Variants in SHROOM4 observed in about 807,000 individuals in gnomAD.
SHROOM4 encodes protein Shroom4.
SHROOM4 carries 17 observed loss-of-function variants against 80.3 expected under a neutral mutation model. The observed-to-expected ratio is 0.21, with a 90% CI of 0.14 to 0.32. The LOEUF (loss-of-function observed/expected upper bound fraction) is 0.32, where lower values mean the gene tolerates loss of function less well. Ranked by LOEUF, SHROOM4 falls within the 10% of genes least tolerant of loss-of-function variation. The pLI is 1.00. For missense variants in SHROOM4, 993 were observed against 1,140.3 expected (o/e 0.87, Z 1.86); for synonymous variants, 400 against 437.5 (o/e 0.91, Z 1.07).
rs781918839 is a variant in SHROOM4 at position 50,669,365 on chromosome X, C to T, written c.269+26421G>A. Among the ~76,000 whole-genome samples the T allele has an allele frequency of 4.2e-3, 466 of 111,651 alleles. 2 individuals carry two copies. The highest frequency in any genetic ancestry group is 0.014 in the African/African-American group (434 of 30,723). On this transcript the variant is annotated intron_variant, in intron 2 of 8. Coordinates refer to ENST00000376020, the MANE Select transcript of SHROOM4 (RefSeq NM_020717.5). ...TGTCACCCAGGCTGGAGTGCAGTGG[C>T]GTGATCACAGCTTACTGCGGTCTCT... is the stretch of plus-strand genomic sequence containing the variant.
intron 1 of SHROOM4, among the ~76,000 whole-genome samples, chrX:50,811,406 G>A (rs1557273431): frequency 9.1e-6 from 1 of 110,414 alleles, no homozygotes; most frequent in East Asian, 2.8e-4. Flanking sequence ...CCTAGACCCA[G>A]GTAGGGCAAG....
chrX:50,684,372 A>G (rs1315113314), intron 2 of SHROOM4, among the ~76,000 whole-genome samples: 1 of 111,236 alleles, frequency 9.0e-6, no homozygotes, highest in Non-Finnish European at 1.9e-5. Flanking sequence ...GAATCAAGGA[A>G]GGACCCTCCC....
chrX:50,633,150 G>C, intron 4 of SHROOM4, 28 bp downstream of exon 4: 1 of 1,178,414 alleles, frequency 8.5e-7, no homozygotes, highest in Non-Finnish European at 1.2e-6. Context: ...AATAATGAAG[G>C]TTACCCACCC....
chrX:50,609,502 A>G (rs1469926925), intron 5 of SHROOM4, among the ~76,000 whole-genome samples: 1 of 111,112 alleles, frequency 9.0e-6, no homozygotes, highest in African/African-American at 3.3e-5. Context: ...TTCAGAAACA[A>G]AGCAGACTAC....
At chrX:50,642,058 G>C (rs190476726) in intron 2 of SHROOM4, among the ~76,000 whole-genome samples, 144 of 112,426 alleles carry the variant, frequency 1.3e-3, no homozygotes, top group African/African-American at 4.5e-3. Context: ...GCCAGAGCTA[G>C]AGCCTTCTAA....
At chrX:50,679,138 A>C (rs1372167489) in intron 2 of SHROOM4, among the ~76,000 whole-genome samples, 2 of 110,973 alleles carry the variant, frequency 1.8e-5, no homozygotes, top group African/African-American at 6.5e-5. Context: ...GTCTCCTCCT[A>C]CATTTCTGAG....
chrX:50,762,349 C>T (rs1013796155), intron 1 of SHROOM4, among the ~76,000 whole-genome samples: 25 of 112,102 alleles, frequency 2.2e-4, no homozygotes, highest in African/African-American at 7.8e-4. Flanking sequence ...TTAAGTATCT[C>T]TCTATATGTT....
chrX:50,758,011 T>A (rs1557268547), intron 1 of SHROOM4, among the ~76,000 whole-genome samples: 2 of 111,506 alleles, frequency 1.8e-5, no homozygotes. Context: ...AAAATACTTT[T>A]TTGTCAAATG....
At chrX:50,641,613 ATT>A (rs781822604) in intron 2 of SHROOM4, among the ~76,000 whole-genome samples, 6 of 98,929 alleles carry the variant, frequency 6.1e-5, no homozygotes, top group Admixed American at 3.3e-4. Context: ...GACTCTTACT[ATT>A]TTTTTTTTTT....
rs781869217 is a variant in SHROOM4, at chrX:50,592,359, T to A, written c.*4336A>T. ...TGGATTGTTAGTGGCTTTTATTTAT[T>A]ATTTTCAAGTTACAATAACTGCAAG... On this transcript the variant is annotated 3_prime_UTR_variant, in exon 9 of 9. Transcript: ENST00000376020. 1 of 258,420 alleles carries A rather than the reference T, an allele frequency of 3.9e-6. No individual in the cohort carries two copies. The highest frequency in any genetic ancestry group is 1.0e-4 in the East Asian group (1 of 9,686). 21.3% of individuals were successfully genotyped at this position (258,420 alleles called of 1,213,427 possible).
intron 1 of SHROOM4, among the ~76,000 whole-genome samples, chrX:50,792,245 T>C (rs1337729618): frequency 1.8e-5 from 2 of 112,157 alleles, no homozygotes; most frequent in Non-Finnish European, 3.8e-5. Flanking sequence ...ACGCCTGTAA[T>C]TCCAGCACTT....
At chrX:50,701,633 CTTTA>C (rs2147469320) in intron 1 of SHROOM4, among the ~76,000 whole-genome samples, 1 of 111,743 alleles carries the variant, frequency 8.9e-6, no homozygotes, top group East Asian at 2.8e-4. Flanking sequence ...AAAAATCAAG[CTTTA>C]TTAATATTTA....
chrX:50,678,167 C>A (rs1602426592), intron 2 of SHROOM4, among the ~76,000 whole-genome samples: 1 of 111,090 alleles, frequency 9.0e-6, no homozygotes, highest in Non-Finnish European at 1.9e-5. Context: ...AAGTTTCCAC[C>A]ATTTCCTCTC....
At chrX:50,638,648 A>G (rs1931462986) in intron 2 of SHROOM4, among the ~76,000 whole-genome samples, 1 of 112,885 alleles carries the variant, frequency 8.9e-6, no homozygotes, top group South Asian at 3.7e-4. Context: ...TCTTTGAGAA[A>G]GAAAATCAAT....
chrX:50,608,749 T>A (rs982684675), intron 5 of SHROOM4, among the ~76,000 whole-genome samples: 4 of 112,235 alleles, frequency 3.6e-5, no homozygotes, highest in Non-Finnish European at 7.5e-5. Context: ...TTCCTACCTA[T>A]CACCCAGACT....
chrX:50,611,909 C>T (rs781829708), intron 5 of SHROOM4, among the ~76,000 whole-genome samples: 1 of 110,957 alleles, frequency 9.0e-6, no homozygotes, highest in Non-Finnish European at 1.9e-5. Context: ...GCCAGGTTGA[C>T]AGGGTGAGAC....
intron 1 of SHROOM4, among the ~76,000 whole-genome samples, chrX:50,797,259 T>C (rs1449232357): frequency 9.0e-6 from 1 of 111,491 alleles, no homozygotes; most frequent in African/African-American, 3.3e-5. Context: ...AGGTCGAGTC[T>C]GAATGGTTTG....
At chrX:50,757,748 G>A (rs1002382747) in intron 1 of SHROOM4, among the ~76,000 whole-genome samples, 9 of 109,303 alleles carry the variant, frequency 8.2e-5, no homozygotes, top group African/African-American at 3.0e-4. Flanking sequence ...GCTTGAACCC[G>A]GGAGGTGGAG....
intron 5 of SHROOM4, 72 bp downstream of exon 5, chrX:50,627,542 C>G: frequency 1.0e-6 from 1 of 989,010 alleles, no homozygotes; most frequent in Non-Finnish European, 1.4e-6. Context: ...CTAAGCAAAC[C>G]AAAGACCTTA....
Sources: allele counts gnomAD v4.1 joint callset (sites outside exome capture counted in the v4.1 genomes callset), GRCh38; gene constraint gnomAD v4.1.1; transcripts MANE v1.5; gene names NCBI Gene and HGNC (gene_info 2026-07-23, HGNC 2026-07-21).